Variants in RSRP1 observed in about 807,000 individuals in gnomAD.
RSRP1 encodes the protein arginine/serine-rich protein 1.
In RSRP1, 37 loss-of-function variants were observed where a neutral mutation model predicts 33.0. That is an observed-to-expected ratio of 1.12 (90% CI 0.86 to 1.48). RSRP1 has a LOEUF of 1.48. Among genes scored for constraint, RSRP1 ranks in the 40% most tolerant of loss-of-function variants. The pLI is 0.00. For missense variants in RSRP1, 402 were observed against 385.3 expected, an observed-to-expected ratio of 1.04 and a Z score of -0.36; for synonymous variants, 167 against 158.7, an observed-to-expected ratio of 1.05 and a Z score of -0.40.
intron 1 of RSRP1, among the ~76,000 whole-genome samples, chr1:25,307,248 G>A: frequency 7.6e-6 from 1 of 132,152 alleles, no homozygotes; most frequent in Non-Finnish European, 1.8e-5. Context: ...AGAGAGGGGT[G>A]GGCCTTGGCT....
chr1:25,300,943 C>A (rs746498767), intron 1 of RSRP1: 1 of 1,377,778 alleles, frequency 7.3e-7, no homozygotes, highest in Non-Finnish European at 1.0e-6. Context: ...GGTTTTATTG[C>A]AGACAGACTA....
At position 25,291,912 on chromosome 1, in the gene RSRP1, C is replaced by T. The variant is rs1259449074; in HGVS notation, c.-66-44883G>A. Reference sequence around the variant, plus strand: ...GCTGATGCCTGGAGAGGGGAAGGGACTGCCCAAGATCACATAGCAAGATAG... The same window carrying T: ...GCTGATGCCTGGAGAGGGGAAGGGATTGCCCAAGATCACATAGCAAGATAG... On this transcript the variant is annotated intron_variant, in intron 1 of 1. Transcript: ENST00000561867. Among the ~76,000 whole-genome samples, 3 of 132,570 alleles carry T rather than the reference C, an allele frequency of 2.3e-5. 1 individual carries two copies. 87.0% of individuals were successfully genotyped at this position (132,570 alleles called of 152,430 possible). A position where few individuals can be genotyped will look rare whatever the true frequency, so the allele number is the denominator to read the frequency against.
rs1206600064 is a variant in RSRP1 at position 25,329,391 on chromosome 1, CCCA to C, written c.-67+8584_-67+8586del. On this transcript the variant is annotated intron_variant, in intron 1 of 1. Coordinates refer to the RSRP1 transcript ENST00000561867. ...TCCAAAGTAGCTGGGATTACAGGCA[CCCA>C]CCACATCTGGCTAATTTTTTGTATT... 3.7e-4 allele frequency: 108 copies of C among 292,798 alleles called. 15 individuals carry two copies. The highest frequency in any genetic ancestry group is 4.9e-4 in the Admixed American group (10 of 20,222). The allele number at this position is 292,798 out of a possible 1,614,324, so 18.1% of individuals were successfully genotyped here.
chr1:25,257,670 G>A (rs1639990954), intron 1 of RSRP1, among the ~76,000 whole-genome samples: 1 of 150,126 alleles, frequency 6.7e-6, no homozygotes, highest in African/African-American at 2.5e-5. Flanking sequence ...TGCAGTCATG[G>A]CTCACTGCAG....
At chr1:25,337,327 C>T (rs1001086450) in intron 1 of RSRP1, 1 of 151,910 alleles carries the variant, frequency 6.6e-6, no homozygotes, top group African/African-American at 2.4e-5. Flanking sequence ...GTGGCGCCTT[C>T]TGCAAGGAGA....
rs1310173105 is a variant in RSRP1, at chr1:25,286,051, G to C, written c.-66-39022C>G. 1.5e-5 allele frequency among the ~76,000 whole-genome samples: 2 copies of C among 135,434 alleles called. 1 individual carries two copies. The highest frequency in any genetic ancestry group is 5.1e-5 in the African/African-American group (2 of 39,232). 88.8% of individuals were successfully genotyped at this position (135,434 alleles called of 152,430 possible). A position where few individuals can be genotyped will look rare whatever the true frequency, so the allele number is the denominator to read the frequency against. On this transcript the variant is annotated intron_variant, in intron 1 of 1. Transcript: ENST00000561867. ...AGAGAGGGCAAGGCACTTGCCTAGGGCCACACAGCTAAGTGGTGGAGATGG... is the reference window on the plus strand; with the variant it reads ...AGAGAGGGCAAGGCACTTGCCTAGGCCCACACAGCTAAGTGGTGGAGATGG...
rs1417837517 is a variant in RSRP1, at chr1:25,313,550, G to A, written c.-67+24428C>T. 1.5e-5 allele frequency among the ~76,000 whole-genome samples: 2 copies of A among 131,920 alleles called. 1 individual carries two copies. The highest frequency in any genetic ancestry group is 1.5e-4 in the Admixed American group (2 of 13,466). The allele number at this position is 131,920 out of a possible 152,430, so 86.5% of individuals were successfully genotyped here. ...TGGGTCTTAATTTATAAAGGTGACT[G>A]AGTGGCATTTTCTTCCAGTATTATT... On this transcript the variant is annotated intron_variant, in intron 1 of 1. Coordinates refer to the RSRP1 transcript ENST00000561867.
intron 1 of RSRP1, among the ~76,000 whole-genome samples, chr1:25,287,783 A>G (rs1410576167): frequency 7.4e-6 from 1 of 135,106 alleles, no homozygotes; most frequent in Non-Finnish European, 1.8e-5. Context: ...GTGCAGTGGT[A>G]CAATCATAGC....
Position 25,303,844 on chromosome 1 carries a change from A to G in RSRP1, c.-67+34134T>C, listed in dbSNP as rs1459935041. ...CATGCTTCCTCCTCTTTCACCCCAC[A>G]TTGTGGGGTGTAGTCTTTTGCTTCA... is the stretch of plus-strand genomic sequence containing the variant. On this transcript the variant is annotated intron_variant, in intron 1 of 1. Transcript: ENST00000561867. 1.6e-4 allele frequency among the ~76,000 whole-genome samples: 20 copies of G among 126,618 alleles called. 2 individuals carry two copies. The highest frequency in any genetic ancestry group is 5.5e-4 in the African/African-American group (20 of 36,464). 83.1% of individuals were successfully genotyped at this position (126,618 alleles called of 152,430 possible).
chr1:25,291,638 A>G (rs35011018), intron 1 of RSRP1, among the ~76,000 whole-genome samples: 2,425 of 132,456 alleles, frequency 0.018, 274 homozygotes, highest in African/African-American at 0.058. Flanking sequence ...AATTATGGTT[A>G]TATAAAAGTA....
At chr1:25,244,059 A>ATTT (rs5773124) in intron 3 of RSRP1, 36 of 1,050,742 alleles carry the variant, frequency 3.4e-5, no homozygotes, top group Middle Eastern at 3.4e-4. Context: ...TAGATACAGC[A>ATTT]TTTTTTTTTT....
intron 3 of RSRP1, 26 bp from the exon 4 acceptor site, chr1:25,243,659 T>G: frequency 6.2e-7 from 1 of 1,612,102 alleles, no homozygotes; most frequent in Non-Finnish European, 8.5e-7. Context: ...AAAAGTGTAA[T>G]TTTAAAACAC....
At chr1:25,255,924 C>A (rs879270978) in intron 1 of RSRP1, among the ~76,000 whole-genome samples, 1 of 152,076 alleles carries the variant, frequency 6.6e-6, no homozygotes, top group African/African-American at 2.4e-5. Context: ...AAGCTTCACT[C>A]GCCCACCGCC....
At position 25,292,068 on chromosome 1, in the gene RSRP1, C is replaced by A. The variant is rs147553323; in HGVS notation, c.-66-45039G>T. On this transcript the variant is annotated intron_variant, in intron 1 of 1. Coordinates refer to the RSRP1 transcript ENST00000561867. ...CCTGTGTGACTCTGGGCAATTTAAC[C>A]TCTTAGAGCTTTAGTTTCTTCATCT... Among the ~76,000 whole-genome samples the A allele has an allele frequency of 4.8e-3, 634 of 132,584 alleles. 127 individuals carry two copies. Among genetic ancestry groups the A allele is most frequent in the Admixed American group, 0.037 (505 of 13,592 alleles). The allele number at this position is 132,584 out of a possible 152,430, so 87.0% of individuals were successfully genotyped here.
At chr1:25,257,277 T>A (rs1639978560) in intron 1 of RSRP1, among the ~76,000 whole-genome samples, 1 of 152,196 alleles carries the variant, frequency 6.6e-6, no homozygotes, top group Admixed American at 6.5e-5. Flanking sequence ...ATTAAGGTTT[T>A]AATTTATTTT....
intron 4 of RSRP1, among the ~76,000 whole-genome samples, chr1:25,243,059 A>G (rs1354278151): frequency 1.3e-5 from 2 of 151,792 alleles, no homozygotes; most frequent in Non-Finnish European, 2.9e-5. Context: ...GCACCACTAC[A>G]CTCCAGCCTG....
chr1:25,295,777 G>A (rs1642882316), intron 1 of RSRP1, among the ~76,000 whole-genome samples: 1 of 108,344 alleles, frequency 9.2e-6, no homozygotes, highest in African/African-American at 3.0e-5. Flanking sequence ...AGAGTGTGAT[G>A]GCATCTTCTT....
At position 25,285,333 on chromosome 1, in the gene RSRP1, C is replaced by T. The variant is rs139793460; in HGVS notation, c.-66-38304G>A. On this transcript the variant is annotated intron_variant, in intron 1 of 1. Transcript: ENST00000561867. ...ATTTTTAGTAGAGATAGGGTTTCTC[C>T]GTGTTGGTCAGGCTAGTCTCAAACT... is the stretch of plus-strand genomic sequence containing the variant. Among the ~76,000 whole-genome samples the T allele has an allele frequency of 8.5e-3, 1,140 of 133,870 alleles. 156 individuals are homozygous for T. The highest frequency in any genetic ancestry group is 0.026 in the African/African-American group (1,019 of 38,544). The allele number at this position is 133,870 out of a possible 152,430, so 87.8% of individuals were successfully genotyped here. A position where few individuals can be genotyped will look rare whatever the true frequency, so the allele number is the denominator to read the frequency against.
intron 4 of RSRP1, 76 bp downstream of exon 4, chr1:25,243,474 C>A: frequency 6.4e-7 from 1 of 1,558,802 alleles, no homozygotes; most frequent in Non-Finnish European, 8.7e-7. Flanking sequence ...ACTATCACCA[C>A]AAAGATAAAA....
Sources: allele counts gnomAD v4.1 joint callset (sites outside exome capture counted in the v4.1 genomes callset), GRCh38; gene constraint gnomAD v4.1.1; transcripts MANE v1.5; gene names NCBI Gene and HGNC (gene_info 2026-07-23, HGNC 2026-07-21).